The following ATM variants were observed in gnomAD, a reference collection of about 807,000 sequenced individuals.
The protein encoded by ATM is ATM serine/threonine kinase.
A neutral mutation model predicts 387.0 loss-of-function variants in ATM; 308 were observed. The ratio of observed to expected loss-of-function variants is 0.80; its 90% CI spans 0.73 to 0.87. The LOEUF is 0.87. ATM is among the 40% of genes least tolerant of loss of function. ATM has a pLI of 0.00. For synonymous variants in ATM, 1,156 were observed against 1,187.3 expected (o/e 0.97, Z 0.54); for missense variants, 3,312 against 3,560.9 (o/e 0.93, Z 1.78).
At chr11:108,293,702 A>G (rs1382561898) in intron 31 of ATM, among the ~76,000 whole-genome samples, 1 of 151,658 alleles carries the variant, frequency 6.6e-6, no homozygotes, top group Non-Finnish European at 1.5e-5. Context: ...CCTGGGCAAC[A>G]TGGCGAAACC....
chr11:108,314,888 C>T (rs1480557749), intron 40 of ATM, among the ~76,000 whole-genome samples: 1 of 152,154 alleles, frequency 6.6e-6, no homozygotes, highest in Non-Finnish European at 1.5e-5. Flanking sequence ...AAGTTTATAT[C>T]ATCTGTTTAC....
chr11:108,291,755 T>C (rs2082808541), intron 29 of ATM, among the ~76,000 whole-genome samples: 1 of 152,220 alleles, frequency 6.6e-6, no homozygotes, highest in Admixed American at 6.5e-5. Flanking sequence ...TGTTTGCAGA[T>C]TGGCTTTATG....
rs2091426005 is a variant in ATM at position 108,368,103 on chromosome 11, G to C, written c.*2595G>C. ...TGGTATGCTATGAGGCTCCTGTTCT[G>C]TTCAAGTATTCTAATCAATGGCTTT... On this transcript the variant is annotated 3_prime_UTR_variant, in exon 63 of 63. Coordinates refer to ENST00000675843, the MANE Select transcript of ATM (RefSeq NM_000051.4). The C allele has an allele frequency of 4.8e-6, 1 of 207,598 alleles. No individual in the cohort carries two copies. The highest frequency in any genetic ancestry group is 2.3e-5 in the African/African-American group (1 of 43,864). The allele number at this position is 207,598 out of a possible 1,614,324, so 12.9% of individuals were successfully genotyped here.
rs764478418 is a variant in ATM, at chr11:108,330,393, G to A, written c.7487G>A (p.Gly2496Glu). The change falls in exon 50 of 63, where the codon GGA becomes GAA. Residue 2496 changes from glycine (G) to glutamate (E), a missense_variant. Gly to Glu is a moderately conservative substitution (Grantham distance 98, BLOSUM62 -2). Transcript: ENST00000675843. ...TGTTCCCTCTGGCTTGAAAATTCTG[G>A]AGTTTCTGAAGTCAATGGCATGATG... ...RLCSLWLENS[G>E]VSEVNGMMKR... 6.2e-7 allele frequency: 1 copy of A among 1,614,092 alleles called. No individual in the cohort carries two copies. The highest frequency in any genetic ancestry group is 2.2e-5 in the East Asian group (1 of 44,868).
chr11:108,346,946 A>G (rs1229153412), intron 58 of ATM, among the ~76,000 whole-genome samples: 1 of 152,220 alleles, frequency 6.6e-6, no homozygotes, highest in Non-Finnish European at 1.5e-5. Context: ...TTGAGTACAT[A>G]TAATGCACAG....
intron 29 of ATM, chr11:108,290,736 G>C (rs2082744583): frequency 6.6e-6 from 1 of 150,674 alleles, no homozygotes; most frequent in Admixed American, 6.6e-5. Flanking sequence ...GTAGGAGGAT[G>C]GCTTGAGCTC....
At chr11:108,345,934 T>C (rs1463574629) in intron 58 of ATM, 26 bp downstream of exon 58, 11 of 1,612,222 alleles carry the variant, frequency 6.8e-6, no homozygotes, top group Non-Finnish European at 8.5e-6. Flanking sequence ...ATATAGTAGA[T>C]TGAGCACTTT....
chr11:108,363,465 G>A (rs2091023655), intron 61 of ATM, among the ~76,000 whole-genome samples: 1 of 152,178 alleles, frequency 6.6e-6, no homozygotes. Context: ...CTAACTCAGT[G>A]ATGCTTAGCC....
intron 61 of ATM, among the ~76,000 whole-genome samples, chr11:108,363,913 A>T (rs2091064315): frequency 6.6e-6 from 1 of 152,184 alleles, no homozygotes; most frequent in South Asian, 2.1e-4. Context: ...TTAGTTCATT[A>T]ATAAAATATA....
Position 108,343,334 on chromosome 11 carries a change from A to G in ATM, c.8381A>G (p.Asn2794Ser), listed in dbSNP as rs1460889548. Residue 2794 changes from asparagine (N) to serine (S), a missense_variant, in exon 57 of 63, where the codon AAT (asparagine) becomes AGT (serine). Asn to Ser is a conservative substitution (Grantham distance 46). Coordinates refer to ENST00000675843, the MANE Select transcript of ATM (RefSeq NM_000051.4). ...EDGAHKRYRP[N>S]DFSAFQCQKK... Reference sequence around the variant, plus strand: ...GGTGCTCATAAAAGATACAGGCCAAATGATTTCAGTGCCTTTCAGTGCCAA... The same window carrying G: ...GGTGCTCATAAAAGATACAGGCCAAGTGATTTCAGTGCCTTTCAGTGCCAA... 1.9e-6 allele frequency: 3 copies of G among 1,614,032 alleles called. No individual in the cohort carries two copies. Among genetic ancestry groups the G allele is most frequent in the Non-Finnish European group, 2.5e-6 (3 of 1,179,906 alleles).
intron 33 of ATM, 87 bp from the exon 34 acceptor site, chr11:108,299,627 A>G: frequency 7.5e-7 from 1 of 1,335,872 alleles, no homozygotes. Flanking sequence ...ACAGAAAAAC[A>G]GCATTATAGT....
intron 24 of ATM, among the ~76,000 whole-genome samples, chr11:108,281,943 A>T (rs572740273): frequency 6.6e-6 from 1 of 152,224 alleles, no homozygotes; most frequent in Non-Finnish European, 1.5e-5. Flanking sequence ...ATTTAAGCCT[A>T]AGAGAAATAA....
intron 12 of ATM, among the ~76,000 whole-genome samples, chr11:108,253,127 A>G (rs529003725): frequency 3.8e-4 from 58 of 152,286 alleles, no homozygotes; most frequent in African/African-American, 1.3e-3. Context: ...TTAATGCTGT[A>G]TAGTATAATA....
intron 16 of ATM, among the ~76,000 whole-genome samples, chr11:108,264,477 T>C (rs923275930): frequency 6.6e-6 from 1 of 152,194 alleles, no homozygotes; most frequent in Admixed American, 6.5e-5. Flanking sequence ...TGATGGGACG[T>C]ATCTCAAAAT....
intron 58 of ATM, 28 bp downstream of exon 58, chr11:108,345,936 G>T (rs2137041735): frequency 6.2e-7 from 1 of 1,611,888 alleles, no homozygotes; most frequent in South Asian, 1.1e-5. Flanking sequence ...ATAGTAGATT[G>T]AGCACTTTGT....
At chr11:108,224,528 T>C (rs757084494) in intron 1 of ATM, 1 of 152,248 alleles carries the variant, frequency 6.6e-6, no homozygotes, top group Non-Finnish European at 1.5e-5. Context: ...ACTCATACTC[T>C]AGTTGACTAC....
chr11:108,301,308 A>G (rs908974362), intron 34 of ATM, among the ~76,000 whole-genome samples: 3 of 152,218 alleles, frequency 2.0e-5, no homozygotes, highest in African/African-American at 7.2e-5. Context: ...GGACTTTAGC[A>G]TATGAAGATG....
At chr11:108,232,527 CTTTTTTTTTTTTTTT>C (rs71047685) in intron 4 of ATM, among the ~76,000 whole-genome samples, 41 of 58,180 alleles carry the variant, frequency 7.0e-4, no homozygotes, top group Non-Finnish European at 1.1e-3. Context: ...GATTTCTCTC[CTTTTTTTTTTTTTTT>C]TTTTTTTTTT....
Position 108,284,670 on chromosome 11 carries a change from G to A in ATM, c.3993+197G>A, listed in dbSNP as rs654005. 0.54 allele frequency among the ~76,000 whole-genome samples: 81,575 copies of A among 151,946 alleles called. 22,457 individuals are homozygous for A. Among genetic ancestry groups the A allele is most frequent in the Middle Eastern group, 0.74 (218 of 294 alleles). Reference sequence around the variant, plus strand: ...CTCCCTCTGATTGGCTTTTAACTAAGTAGAAATGTTTTAAATTAGAAATAA... The same window carrying A: ...CTCCCTCTGATTGGCTTTTAACTAAATAGAAATGTTTTAAATTAGAAATAA... On this transcript the variant is annotated intron_variant, in intron 26 of 62. Transcript: ENST00000675843.
Sources: gnomAD v4.1 joint callset for allele counts (sites outside exome capture counted in the v4.1 genomes callset) on GRCh38, gnomAD v4.1.1 for gene constraint, MANE v1.5 for transcripts, NCBI Gene and HGNC (gene_info 2026-07-23, HGNC 2026-07-21) for gene names.